Variants in VPS54 observed in about 807,000 individuals in gnomAD.
The protein encoded by VPS54 is vacuolar protein sorting-associated protein 54.
VPS54 carries 45 observed loss-of-function variants against 121.5 expected under a neutral mutation model. The observed-to-expected ratio is 0.37, with a 90% CI of 0.29 to 0.47. The LOEUF (loss-of-function observed/expected upper bound fraction) is 0.47, where lower values mean the gene tolerates loss of function less well. VPS54 is among the 20% of genes least tolerant of loss of function. VPS54 has a pLI of 0.99. For missense variants in VPS54, 1,090 were observed against 1,131.4 expected (o/e 0.96, Z 0.52); for synonymous variants, 371 against 385.8 (o/e 0.96, Z 0.45).
chr2:63,997,610 G>C (rs2104663462), intron 1 of VPS54, among the ~76,000 whole-genome samples: 1 of 151,032 alleles, frequency 6.6e-6, no homozygotes, highest in East Asian at 1.9e-4. Flanking sequence ...AGATGTGTCA[G>C]TTTTTGTTTT....
chr2:63,927,333 T>C (rs564676371), intron 12 of VPS54, among the ~76,000 whole-genome samples: 4 of 152,310 alleles, frequency 2.6e-5, no homozygotes, highest in African/African-American at 9.6e-5. Flanking sequence ...CAATATTTGC[T>C]GTTCTGCAGC....
chr2:63,916,864 G>C (rs776311645), intron 16 of VPS54, 36 bp downstream of exon 16: 1 of 1,601,774 alleles, frequency 6.2e-7, no homozygotes, highest in South Asian at 1.1e-5. Flanking sequence ...GTTTTAAATA[G>C]TTGACTCAAC....
At chr2:63,999,450 G>A (rs1168630298) in intron 1 of VPS54, among the ~76,000 whole-genome samples, 1 of 152,172 alleles carries the variant, frequency 6.6e-6, no homozygotes, top group Admixed American at 6.5e-5. Context: ...CTACTGAAAA[G>A]TCTACTGCCA....
chr2:63,943,441 TC>T (rs1674829660), intron 10 of VPS54, among the ~76,000 whole-genome samples: 1 of 152,166 alleles, frequency 6.6e-6, no homozygotes, highest in Non-Finnish European at 1.5e-5. Context: ...TCTAATAGTG[TC>T]CCAATGACTT....
intron 20 of VPS54, among the ~76,000 whole-genome samples, chr2:63,908,828 A>T (rs1673014173): frequency 6.6e-6 from 1 of 152,214 alleles, no homozygotes; most frequent in South Asian, 2.1e-4. Context: ...TCCTCTTTAG[A>T]GGCAGAAACT....
intron 1 of VPS54, among the ~76,000 whole-genome samples, chr2:63,999,929 C>T (rs765390831): frequency 6.6e-5 from 10 of 151,920 alleles, no homozygotes; most frequent in African/African-American, 9.7e-5. Flanking sequence ...GGCACGATCT[C>T]GTCTCACTGC....
chr2:63,968,702 G>T (rs1018376040), intron 5 of VPS54, among the ~76,000 whole-genome samples: 18 of 151,854 alleles, frequency 1.2e-4, no homozygotes, highest in Non-Finnish European at 2.6e-4. Flanking sequence ...CTGCGAGACG[G>T]GGCAAGATTC....
intron 14 of VPS54, 144 bp downstream of exon 14, chr2:63,920,300 GAT>G: frequency 1.4e-6 from 1 of 710,864 alleles, no homozygotes; most frequent in Non-Finnish European, 2.0e-6. Flanking sequence ...CAAGAAATGT[GAT>G]TTTAATTCCA....
intron 12 of VPS54, 120 bp downstream of exon 12, chr2:63,933,553 T>C (rs1056453316): frequency 1.2e-6 from 1 of 853,658 alleles, no homozygotes; most frequent in African/African-American, 1.7e-5. Flanking sequence ...AAAATTAATA[T>C]ATTTTTGTTA....
chr2:64,009,866 C>G (rs903177158), intron 1 of VPS54, among the ~76,000 whole-genome samples: 1 of 145,910 alleles, frequency 6.9e-6, no homozygotes, highest in Non-Finnish European at 1.5e-5. Context: ...TTTTTTGAGA[C>G]AGTCTCGCTC....
intron 1 of VPS54, among the ~76,000 whole-genome samples, chr2:64,000,071 G>A (rs182592138): frequency 5.9e-5 from 9 of 151,548 alleles, no homozygotes; most frequent in African/African-American, 1.9e-4. Context: ...CATGTTGGCC[G>A]GGCTGGTCTC....
At chr2:64,005,535 C>T (rs1464665660) in intron 1 of VPS54, among the ~76,000 whole-genome samples, 1 of 152,168 alleles carries the variant, frequency 6.6e-6, no homozygotes, top group African/African-American at 2.4e-5. Context: ...GACAAAGCTA[C>T]AGGTACTGTA....
intron 20 of VPS54, among the ~76,000 whole-genome samples, chr2:63,909,228 AG>A (rs1418925172): frequency 6.6e-6 from 1 of 152,164 alleles, no homozygotes; most frequent in Non-Finnish European, 1.5e-5. Context: ...TTGCTATTGG[AG>A]GACAAGATCA....
chr2:63,999,012 T>C (rs1677744573), intron 1 of VPS54, among the ~76,000 whole-genome samples: 1 of 152,200 alleles, frequency 6.6e-6, no homozygotes, highest in Non-Finnish European at 1.5e-5. Flanking sequence ...GGTGGCACCA[T>C]CTTGGCTCAC....
In VPS54 at chr2:63,899,466, C is replaced by A. The variant is rs1450060057; in HGVS notation, c.2733+8G>T. The A allele has an allele frequency of 6.2e-7, 1 of 1,611,334 alleles. No homozygotes were observed. Among genetic ancestry groups the A allele is most frequent in the East Asian group, 2.2e-5 (1 of 44,832 alleles). On this transcript the variant is annotated splice_region_variant and intron_variant, in intron 21 of 22. Coordinates refer to ENST00000272322, the MANE Select transcript of VPS54 (RefSeq NM_016516.3). ...TATACATGAATAGTTTTAGGAATTA[C>A]TTCTCACCTGTGTTTGTTCTTCTGG...
intron 7 of VPS54, among the ~76,000 whole-genome samples, chr2:63,957,155 T>C (rs1675530937): frequency 6.6e-6 from 1 of 151,996 alleles, no homozygotes; most frequent in South Asian, 2.1e-4. Flanking sequence ...AAAATATTTA[T>C]ATCCCGGCCG....
Position 63,911,307 on chromosome 2 carries a change from T to C in VPS54, c.2625+1038A>G, listed in dbSNP as rs114277881. On this transcript the variant is annotated intron_variant, in intron 20 of 22. Coordinates refer to ENST00000272322, the MANE Select transcript of VPS54 (RefSeq NM_016516.3). The stretch of plus-strand genomic sequence containing the variant: ...TAATTTAAATAGGCATAACATAGTA[T>C]AGGTATGTTTGTACATAAATACAAA... 8.1e-3 allele frequency among the ~76,000 whole-genome samples: 1,227 copies of C among 152,314 alleles called. 7 individuals carry two copies. Among genetic ancestry groups the C allele is most frequent in the South Asian group, 0.019 (92 of 4,826 alleles).
intron 1 of VPS54, among the ~76,000 whole-genome samples, chr2:63,998,561 A>G (rs1204885361): frequency 6.6e-6 from 1 of 151,760 alleles, no homozygotes; most frequent in Admixed American, 6.6e-5. Flanking sequence ...TTTTTTGTGT[A>G]TCTGTTCCAT....
chr2:64,017,711 A>G (rs1678774309), intron 1 of VPS54, among the ~76,000 whole-genome samples: 1 of 152,230 alleles, frequency 6.6e-6, no homozygotes, highest in Admixed American at 6.5e-5. Context: ...TGATCCTCAG[A>G]CTGCCTCTTA....
Sources: allele counts gnomAD v4.1 joint callset (sites outside exome capture counted in the v4.1 genomes callset), GRCh38; gene constraint gnomAD v4.1.1; transcripts MANE v1.5; gene names NCBI Gene and HGNC (gene_info 2026-07-23, HGNC 2026-07-21).